The following PBRM1 variants were observed in gnomAD, a reference collection of about 807,000 sequenced individuals.
PBRM1 encodes protein polybromo-1.
A neutral mutation model predicts 194.5 loss-of-function variants in PBRM1; 27 were observed. That is an observed-to-expected ratio of 0.14 (90% CI 0.10 to 0.19). The LOEUF is 0.19. PBRM1 is among the 10% of genes least tolerant of loss of function. The probability of loss-of-function intolerance (pLI) is 1.00; values close to 1 mark genes in which losing one functional copy is unlikely to be tolerated. For synonymous variants in PBRM1, 655 were observed against 693.2 expected (o/e 0.94, Z 0.87); for missense variants, 1,466 against 2,077.2 (o/e 0.71, Z 5.72).
chr3:52,615,556 T>A lies in PBRM1; in HGVS notation c.1819-100A>T, dbSNP rs918480783. 5.4e-6 allele frequency: 4 copies of A among 736,018 alleles called. No homozygotes were observed. In the Admixed American group the frequency reaches 7.1e-5, roughly 13 times the overall value. 45.6% of individuals were successfully genotyped at this position (736,018 alleles called of 1,614,324 possible). A position where few individuals can be genotyped will look rare whatever the true frequency, so the allele number is the denominator to read the frequency against. On this transcript the variant is annotated intron_variant, in intron 14 of 29. Transcript: ENST00000296302. ...TTTTAAAAAGACAGTTTATGATAGT[T>A]GGGAGCTTAAAGAAAACCAAAACCA...
chr3:52,546,904 T>G (rs554060991), downstream of PBRM1: 1 of 233,248 alleles, frequency 4.3e-6, no homozygotes, highest in African/African-American at 2.2e-5. Context: ...GTATTAAATT[T>G]CTGGTTGAGA....
At chr3:52,616,779 ATAAT>A (rs1267449233) in intron 14 of PBRM1, among the ~76,000 whole-genome samples, 2 of 152,258 alleles carry the variant, frequency 1.3e-5, no homozygotes, top group East Asian at 3.8e-4. Context: ...TGATTTTTAT[ATAAT>A]TATACATTTT....
intron 2 of PBRM1, among the ~76,000 whole-genome samples, chr3:52,671,315 A>G (rs1215253852): frequency 6.6e-6 from 1 of 152,238 alleles, no homozygotes; most frequent in African/African-American, 2.4e-5. Context: ...AGCGTCAGAA[A>G]AAAGGCACCA....
At chr3:52,634,501 T>C (rs2095733586) in intron 11 of PBRM1, 101 bp downstream of exon 12, 1 of 776,338 alleles carries the variant, frequency 1.3e-6, no homozygotes, top group Non-Finnish European at 2.1e-6. Flanking sequence ...AACACCATTT[T>C]TACCTTTAAT....
At chr3:52,671,004 G>T (rs2096935711) in intron 2 of PBRM1, among the ~76,000 whole-genome samples, 1 of 152,182 alleles carries the variant, frequency 6.6e-6, no homozygotes, top group Non-Finnish European at 1.5e-5. Context: ...TTTCCATACT[G>T]GCTGGAAGGC....
chr3:52,659,749 T>C (rs1233470534), intron 4 of PBRM1, among the ~76,000 whole-genome samples: 2 of 152,136 alleles, frequency 1.3e-5, no homozygotes, highest in African/African-American at 4.8e-5. Flanking sequence ...GATTTAAAAA[T>C]TAGAAACCTG....
At chr3:52,549,198 T>G (rs2080240431) in intron 29 of PBRM1, among the ~76,000 whole-genome samples, 1 of 152,040 alleles carries the variant, frequency 6.6e-6, no homozygotes, top group Admixed American at 6.6e-5. Flanking sequence ...TTTTGTATTT[T>G]TAGTAGAGAT....
chr3:52,635,825 T>C (rs2095788248), intron 10 of PBRM1, among the ~76,000 whole-genome samples: 1 of 152,098 alleles, frequency 6.6e-6, no homozygotes, highest in African/African-American at 2.4e-5. Flanking sequence ...AAGTTTAAGA[T>C]AGTATAAATT....
chr3:52,663,669 C>T (rs932610302), intron 3 of PBRM1, among the ~76,000 whole-genome samples: 1 of 152,060 alleles, frequency 6.6e-6, no homozygotes, highest in Non-Finnish European at 1.5e-5. Flanking sequence ...ATGACAGTGA[C>T]AACAAATATA....
chr3:52,557,756 T>C (rs1043629436), intron 26 of PBRM1, among the ~76,000 whole-genome samples: 1 of 152,154 alleles, frequency 6.6e-6, no homozygotes, highest in African/African-American at 2.4e-5. Flanking sequence ...GTCATGCACA[T>C]TGGTGACCAA....
At chr3:52,628,940 T>C (rs2153595780) in exon 12 of PBRM1, 1 of 1,613,696 alleles carries the variant, frequency 6.2e-7, no homozygotes, top group Non-Finnish European at 8.5e-7. Context: ...GATGGCTGAA[T>C]TGGGCACATT....
At chr3:52,596,601 G>A (rs1390760291) in intron 17 of PBRM1, among the ~76,000 whole-genome samples, 2 of 152,050 alleles carry the variant, frequency 1.3e-5, no homozygotes, top group East Asian at 1.9e-4. Flanking sequence ...AAGGCAGCGT[G>A]TTCCCTTCTG....
chr3:52,559,744 A>T (rs2083024005), intron 25 of PBRM1, among the ~76,000 whole-genome samples: 1 of 151,944 alleles, frequency 6.6e-6, no homozygotes, highest in East Asian at 1.9e-4. Flanking sequence ...AGTTGCCTGC[A>T]TAGCCTTATC....
chr3:52,672,872 C>T (rs1399168348), intron 2 of PBRM1, among the ~76,000 whole-genome samples: 1 of 151,970 alleles, frequency 6.6e-6, no homozygotes, highest in East Asian at 1.9e-4. Flanking sequence ...GGGGAACATA[C>T]CTTCCATAGG....
intron 17 of PBRM1, among the ~76,000 whole-genome samples, chr3:52,590,257 C>T (rs181415009): frequency 2.0e-5 from 3 of 152,004 alleles, no homozygotes; most frequent in Admixed American, 6.5e-5. Context: ...GAGTTCAAGG[C>T]CAGCCTGGCC....
chr3:52,685,718 G>A (rs1295558104), intron 1 of PBRM1, 31 bp downstream of exon 1: 2 of 156,178 alleles, frequency 1.3e-5, no homozygotes, highest in African/African-American at 2.4e-5. Flanking sequence ...CCAAGGGGGA[G>A]CGGCCCCACC....
At chr3:52,633,255 A>G (rs538150008) in intron 11 of PBRM1, among the ~76,000 whole-genome samples, 73 of 152,026 alleles carry the variant, frequency 4.8e-4, no homozygotes, top group African/African-American at 1.6e-3. Flanking sequence ...ACAAATACTC[A>G]TATCAATAGA....
chr3:52,679,835 C>A (rs936860561), upstream of PBRM1: 2 of 724,370 alleles, frequency 2.8e-6, no homozygotes, highest in African/African-American at 3.6e-5. Flanking sequence ...GATATTTTAA[C>A]GTGTTGTAGT....
At chr3:52,643,378 G>T in intron 8 of PBRM1, 35 bp from the exon 10 acceptor site, 1 of 1,408,598 alleles carries the variant, frequency 7.1e-7, no homozygotes, top group Non-Finnish European at 1.0e-6. Flanking sequence ...TTAGAAACTT[G>T]GTAGCTGAAA....
Sources: allele counts gnomAD v4.1 joint callset (sites outside exome capture counted in the v4.1 genomes callset), GRCh38; gene constraint gnomAD v4.1.1; transcripts MANE v1.5; gene names NCBI Gene and HGNC (gene_info 2026-07-23, HGNC 2026-07-21).